Variants in VPS50 observed in about 807,000 individuals in gnomAD.
VPS50 encodes the protein syndetin.
Under a neutral mutation model 139.7 loss-of-function variants are expected in VPS50, and 70 were observed. The observed-to-expected ratio is 0.50, with a 90% CI of 0.41 to 0.61. VPS50 has a LOEUF of 0.61. Among genes scored for constraint, VPS50 ranks in the 20% least tolerant of loss-of-function variants. The pLI, the probability that VPS50 is intolerant of heterozygous loss-of-function variation, is 0.00. For missense variants in VPS50, 921 were observed against 1,133.7 expected (o/e 0.81, Z 2.69); for synonymous variants, 365 against 376.7 (o/e 0.97, Z 0.36).
Position 93,257,369 on chromosome 7 carries a change from T to C in VPS50, c.352-25T>C, listed in dbSNP as rs376372878. The stretch of plus-strand genomic sequence containing the variant: ...AAGAAAAATAAAATACCTCCAACAA[T>C]AACCTGTACCTAATCTTCCCATAGG... On this transcript the variant is annotated intron_variant, in intron 5 of 27. Transcript: ENST00000305866. 131 of 1,400,454 alleles carry C rather than the reference T, an allele frequency of 9.4e-5. No homozygotes were observed. In the African/African-American group the frequency reaches 1.6e-3, roughly 17 times the overall value. The allele number at this position is 1,400,454 out of a possible 1,614,324, so 86.8% of individuals were successfully genotyped here. A position where few individuals can be genotyped will look rare whatever the true frequency, so the allele number is the denominator to read the frequency against.
In VPS50 at chr7:93,282,203, C is replaced by CA. The variant is rs1286093079; in HGVS notation, c.942+5911dup. On this transcript the variant is annotated intron_variant, in intron 12 of 27. Transcript: ENST00000305866. ...TGGGGGACAGAGCCAGACTCCGTCT[C>CA]AAAAAAAAAAAAACAAAAAACAATT... is the stretch of plus-strand genomic sequence containing the variant. Among the ~76,000 whole-genome samples the CA allele has an allele frequency of 8.2e-3, 918 of 112,390 alleles. 5 individuals carry two copies. The highest frequency in any genetic ancestry group is 0.021 in the African/African-American group (657 of 31,182). 73.7% of individuals were successfully genotyped at this position (112,390 alleles called of 152,430 possible). A position where few individuals can be genotyped will look rare whatever the true frequency, so the allele number is the denominator to read the frequency against.
At chr7:93,280,732 T>C (rs922488550) in intron 12 of VPS50, among the ~76,000 whole-genome samples, 5 of 152,136 alleles carry the variant, frequency 3.3e-5, no homozygotes, top group African/African-American at 1.2e-4. Flanking sequence ...TAGGATGTTA[T>C]TGATTAATTT....
chr7:93,287,027 A>C (rs1584429744), intron 12 of VPS50, among the ~76,000 whole-genome samples: 1 of 147,578 alleles, frequency 6.8e-6, no homozygotes, highest in Non-Finnish European at 1.5e-5. Flanking sequence ...AAACTACCCC[A>C]CCTTGCCTTT....
chr7:93,327,259 T>A (rs901017104), intron 21 of VPS50, among the ~76,000 whole-genome samples: 1 of 152,204 alleles, frequency 6.6e-6, no homozygotes, highest in Non-Finnish European at 1.5e-5. Flanking sequence ...GGAACTGTAT[T>A]CTTAATTGTA....
chr7:93,291,653 G>A (rs756230503), intron 12 of VPS50, 50 bp from the exon 13 acceptor site: 2 of 1,032,006 alleles, frequency 1.9e-6, no homozygotes, highest in Non-Finnish European at 2.7e-6. Context: ...TATTATAACT[G>A]TTAGAGTAAA....
At chr7:93,236,137 G>A (rs959614765) in intron 1 of VPS50, among the ~76,000 whole-genome samples, 2 of 152,216 alleles carry the variant, frequency 1.3e-5, no homozygotes, top group African/African-American at 4.8e-5. Flanking sequence ...GCCAAGTAAA[G>A]AATTTAAAAG....
chr7:93,324,859 C>T (rs1453529723), intron 21 of VPS50, among the ~76,000 whole-genome samples: 2 of 152,134 alleles, frequency 1.3e-5, no homozygotes, highest in African/African-American at 2.4e-5. Flanking sequence ...GTGAAAATGG[C>T]CATACTTCCC....
chr7:93,326,455 A>AT (rs965019762), intron 21 of VPS50, among the ~76,000 whole-genome samples: 20 of 133,712 alleles, frequency 1.5e-4, no homozygotes, highest in South Asian at 4.4e-4. Flanking sequence ...AATAATAATA[A>AT]AAAAAAAATA....
chr7:93,237,312 A>G (rs948215556), intron 1 of VPS50, among the ~76,000 whole-genome samples: 1 of 152,150 alleles, frequency 6.6e-6, no homozygotes, highest in Non-Finnish European at 1.5e-5. Flanking sequence ...CACAGAAAGG[A>G]TAGATAAGTT....
At chr7:93,343,330 A>G (rs549294998) in intron 23 of VPS50, among the ~76,000 whole-genome samples, 8,882 of 152,252 alleles carry the variant, frequency 0.058, 665 homozygotes, top group African/African-American at 0.18. Flanking sequence ...ATATGGGACT[A>G]TGTGAAAAGA....
At chr7:93,358,247 G>C in intron 27 of VPS50, 70 bp from the exon 28 acceptor site, 1 of 1,422,960 alleles carries the variant, frequency 7.0e-7, no homozygotes, top group South Asian at 1.2e-5. Context: ...ATATCCGCCT[G>C]TTCTTTTGTT....
chr7:93,282,434 G>A (rs184059898), intron 12 of VPS50, among the ~76,000 whole-genome samples: 9 of 152,150 alleles, frequency 5.9e-5, no homozygotes, highest in Admixed American at 2.6e-4. Flanking sequence ...GATAAATCAC[G>A]AGAAATGAAA....
At chr7:93,308,063 ATTAC>A (rs1461758686) in intron 18 of VPS50, among the ~76,000 whole-genome samples, 2 of 151,918 alleles carry the variant, frequency 1.3e-5, no homozygotes, top group Non-Finnish European at 2.9e-5. Flanking sequence ...AGTGTTAGCT[ATTAC>A]TTAATGATAT....
intron 24 of VPS50, 132 bp downstream of exon 24, chr7:93,348,939 T>G: frequency 1.6e-6 from 1 of 623,738 alleles, no homozygotes; most frequent in South Asian, 2.0e-5. Context: ...AAAATATTCA[T>G]TTATTCACTC....
chr7:93,240,217 G>GCACATA (rs1554356987), intron 2 of VPS50, among the ~76,000 whole-genome samples: 5 of 142,296 alleles, frequency 3.5e-5, no homozygotes, highest in African/African-American at 1.3e-4. Flanking sequence ...ATATGTGTAT[G>GCACATA]CACACACACA....
chr7:93,316,808 G>A (rs1241454176), intron 20 of VPS50, among the ~76,000 whole-genome samples: 1 of 152,192 alleles, frequency 6.6e-6, no homozygotes, highest in Non-Finnish European at 1.5e-5. Flanking sequence ...TTGAGTCATT[G>A]TTTTAAAATG....
chr7:93,293,446 T>G (rs1051441004), intron 13 of VPS50, among the ~76,000 whole-genome samples: 31 of 152,162 alleles, frequency 2.0e-4, no homozygotes, highest in Admixed American at 1.5e-3. Context: ...TGATCCTTAT[T>G]ACTCAACCCT....
intron 14 of VPS50, among the ~76,000 whole-genome samples, chr7:93,295,710 CTT>C (rs1796788361): frequency 6.8e-6 from 1 of 147,754 alleles, no homozygotes; most frequent in South Asian, 2.1e-4. Context: ...CTTTTTTTTT[CTT>C]TCTTTCTTTT....
chr7:93,267,821 GCTGTGCA>G (rs1313619605), intron 9 of VPS50, among the ~76,000 whole-genome samples: 1 of 152,190 alleles, frequency 6.6e-6, no homozygotes, highest in Non-Finnish European at 1.5e-5. Context: ...TGGTTCAGGT[GCTGTGCA>G]CAGTACGTAT....
Sources: gnomAD v4.1 joint callset for allele counts (sites outside exome capture counted in the v4.1 genomes callset) on GRCh38, gnomAD v4.1.1 for gene constraint, MANE v1.5 for transcripts, NCBI Gene and HGNC (gene_info 2026-07-23, HGNC 2026-07-21) for gene names.